Variants in PTTG1IP2 observed in about 807,000 individuals in gnomAD.
PTTG1IP2 encodes the protein PTTG1IP family member 2.
intron 4 of PTTG1IP2, among the ~76,000 whole-genome samples, chr7:90,490,609 A>G (rs748498603): frequency 2.0e-5 from 3 of 152,134 alleles, no homozygotes; most frequent in Non-Finnish European, 2.9e-5. Flanking sequence ...CTCTGAAACA[A>G]ACATACACAT....
chr7:90,482,300 A>G (rs1797822288), intron 2 of PTTG1IP2, among the ~76,000 whole-genome samples: 1 of 152,058 alleles, frequency 6.6e-6, no homozygotes, highest in Non-Finnish European at 1.5e-5. Flanking sequence ...TTCTCCGTGG[A>G]CTTGGAGAGA....
intron 4 of PTTG1IP2, 31 bp from the exon 5 acceptor site, chr7:90,492,208 A>G (rs1797946714): frequency 1.3e-5 from 2 of 152,336 alleles, no homozygotes; most frequent in South Asian, 2.1e-4. Flanking sequence ...TACTGTTCTG[A>G]AAATAAGCCT....
chr7:90,489,828 T>C (rs1029498272), intron 4 of PTTG1IP2, among the ~76,000 whole-genome samples: 3 of 152,106 alleles, frequency 2.0e-5, no homozygotes, highest in African/African-American at 7.2e-5. Flanking sequence ...TAGATTCTCT[T>C]TTCTTACTCT....
chr7:90,507,251 A>G (rs895774565), intron 6 of PTTG1IP2, among the ~76,000 whole-genome samples: 1 of 152,168 alleles, frequency 6.6e-6, no homozygotes, highest in Admixed American at 6.5e-5. Flanking sequence ...ATAAAATAAA[A>G]CCACGTAAAT....
intron 2 of PTTG1IP2, among the ~76,000 whole-genome samples, chr7:90,480,412 A>G (rs991481610): frequency 5.1e-4 from 77 of 152,048 alleles, no homozygotes; most frequent in African/African-American, 1.8e-3. Flanking sequence ...TAAATGTTTT[A>G]TAAAGGAAAT....
chr7:90,477,766 T>C (rs1797765940), intron 1 of PTTG1IP2, among the ~76,000 whole-genome samples: 2 of 152,056 alleles, frequency 1.3e-5, no homozygotes, highest in African/African-American at 4.8e-5. Flanking sequence ...CAGTGTTAGT[T>C]TCTTGGTTTC....
rs1428814879 is a variant in PTTG1IP2, at chr7:90,469,735, A to T, written c.-52A>T. ...GGCGGGTCTCAGTGTCCAACACTGT[A>T]GCTGGTGCCTGCCAGGTTCCCAGTG... On this transcript the variant is annotated 5_prime_UTR_variant, in exon 1 of 7. Transcript: ENST00000509356. The T allele has an allele frequency of 6.5e-6, 1 of 152,678 alleles. No individual in the cohort carries two copies. Among genetic ancestry groups the T allele is most frequent in the Non-Finnish European group, 1.5e-5 (1 of 68,092 alleles). The allele number at this position is 152,678 out of a possible 1,614,324, so 9.5% of individuals were successfully genotyped here. A position where few individuals can be genotyped will look rare whatever the true frequency, so the allele number is the denominator to read the frequency against.
rs59521168 is a variant in PTTG1IP2, at chr7:90,505,990, CAAAAA to C, written c.*51-7262_*51-7258del. ...TGGGCGACAGAGCGAGACTCCGTCTCAAAAAAAAAAAAAAAAAAAAAAAAAAAAAA... is the reference window on the plus strand; with the variant it reads ...TGGGCGACAGAGCGAGACTCCGTCTCAAAAAAAAAAAAAAAAAAAAAAAAA... On this transcript the variant is annotated intron_variant, in intron 6 of 6. Coordinates refer to ENST00000509356, the MANE Select transcript of PTTG1IP2 (RefSeq NM_001365443.2). 1.3e-4 allele frequency among the ~76,000 whole-genome samples: 10 copies of C among 77,356 alleles called. No individual in the cohort carries two copies. The South Asian group carries it at 3.2e-3, about 25-fold the overall frequency. The allele number at this position is 77,356 out of a possible 152,430, so 50.7% of individuals were successfully genotyped here.
chr7:90,499,644 C>T (rs1798038768), intron 6 of PTTG1IP2, among the ~76,000 whole-genome samples: 1 of 151,944 alleles, frequency 6.6e-6, no homozygotes, highest in Admixed American at 6.6e-5. Context: ...AGTGCAATGG[C>T]CTGATCTTGG....
rs114531027 is a variant in PTTG1IP2 at position 90,479,490 on chromosome 7, T to C, written c.192+216T>C. 3.1e-3 allele frequency among the ~76,000 whole-genome samples: 478 copies of C among 152,274 alleles called. 3 individuals carry two copies. The highest frequency in any genetic ancestry group is 0.01 in the African/African-American group (419 of 41,544). On this transcript the variant is annotated intron_variant, in intron 2 of 6. Transcript: ENST00000509356. Reference sequence around the variant, plus strand: ...TAATTAAGTACAAACATGTACTTCCTCTGGAAAATTATGCTTCAAAAAGAA... The same window carrying C: ...TAATTAAGTACAAACATGTACTTCCCCTGGAAAATTATGCTTCAAAAAGAA...
rs546776399 is a variant in PTTG1IP2, at chr7:90,474,502, A to G, written c.145+4571A>G. ...AAGAGTGGTTTCTGGGGTTGCTCCA[A>G]GCTCAGCAGCACTGAATACAAAGAG... On this transcript the variant is annotated intron_variant, in intron 1 of 6. Coordinates refer to ENST00000509356, the MANE Select transcript of PTTG1IP2 (RefSeq NM_001365443.2). Among the ~76,000 whole-genome samples the G allele has an allele frequency of 2.4e-4, 36 of 152,358 alleles. No homozygotes were observed. The East Asian group carries it at 6.9e-3, about 29-fold the overall frequency.
intron 2 of PTTG1IP2, among the ~76,000 whole-genome samples, chr7:90,485,738 C>T (rs1454967336): frequency 3.3e-5 from 5 of 152,152 alleles, no homozygotes; most frequent in African/African-American, 9.7e-5. Context: ...AGGAGCTCGC[C>T]TGTGGTGGAC....
chr7:90,486,319 T>C (rs1476741210), intron 2 of PTTG1IP2, among the ~76,000 whole-genome samples: 2 of 152,248 alleles, frequency 1.3e-5, no homozygotes, highest in South Asian at 2.1e-4. Flanking sequence ...CTTGTTCTCA[T>C]CTATAAAGTG....
chr7:90,504,049 G>T (rs1021012732), intron 6 of PTTG1IP2, among the ~76,000 whole-genome samples: 1 of 152,192 alleles, frequency 6.6e-6, no homozygotes, highest in Admixed American at 6.5e-5. Context: ...GGGCATGGTG[G>T]CTCAAACCTG....
At chr7:90,508,416 C>T (rs1288502415) in intron 6 of PTTG1IP2, among the ~76,000 whole-genome samples, 1 of 152,112 alleles carries the variant, frequency 6.6e-6, no homozygotes, top group East Asian at 1.9e-4. Flanking sequence ...CCTACCTGAG[C>T]TTCAAGAATG....
At chr7:90,476,704 A>C (rs956633593) in intron 1 of PTTG1IP2, among the ~76,000 whole-genome samples, 2 of 152,182 alleles carry the variant, frequency 1.3e-5, no homozygotes, top group African/African-American at 2.4e-5. Context: ...TTCCATATTG[A>C]CATGTAGTAC....
intron 6 of PTTG1IP2, among the ~76,000 whole-genome samples, chr7:90,505,211 G>A (rs1279396674): frequency 2.6e-5 from 4 of 152,178 alleles, no homozygotes; most frequent in African/African-American, 9.7e-5. Flanking sequence ...TATTTGAAAA[G>A]GGTATTCGAT....
At chr7:90,507,548 G>A (rs768814943) in intron 6 of PTTG1IP2, among the ~76,000 whole-genome samples, 7 of 152,162 alleles carry the variant, frequency 4.6e-5, no homozygotes, top group Non-Finnish European at 1.0e-4. Context: ...ACTAAATGGT[G>A]ATTCTTGGGC....
chr7:90,488,999 T>C (rs1246593869), intron 4 of PTTG1IP2, 35 bp downstream of exon 4: 2 of 151,896 alleles, frequency 1.3e-5, no homozygotes, highest in East Asian at 3.8e-4. Flanking sequence ...GAATGCACTT[T>C]GGGGTAATAT....
Sources: allele counts gnomAD v4.1 joint callset (sites outside exome capture counted in the v4.1 genomes callset), GRCh38; gene constraint gnomAD v4.1.1; transcripts MANE v1.5; gene names NCBI Gene and HGNC (gene_info 2026-07-23, HGNC 2026-07-21).